Variants in GCLM observed in about 807,000 individuals in gnomAD.
GCLM encodes the protein glutamate--cysteine ligase regulatory subunit.
Under a neutral mutation model 36.0 loss-of-function variants are expected in GCLM, and 15 were observed. The observed-to-expected ratio is 0.42, with a 90% CI of 0.28 to 0.64. The LOEUF (loss-of-function observed/expected upper bound fraction) is 0.64. GCLM is among the 30% of genes least tolerant of loss of function. The pLI is 0.25. For missense variants in GCLM, 242 were observed against 325.5 expected (o/e 0.74, Z 1.97); for synonymous variants, 129 against 122.8 (o/e 1.05, Z -0.34).
intron 3 of GCLM, 87 bp downstream of exon 3, chr1:93,901,498 C>A: frequency 1.3e-6 from 1 of 767,594 alleles, no homozygotes; most frequent in South Asian, 1.5e-5. Flanking sequence ...CATTTAGTGT[C>A]TGAGCAAAGA....
intron 6 of GCLM, among the ~76,000 whole-genome samples, chr1:93,890,317 A>G (rs2100905241): frequency 6.6e-6 from 1 of 152,336 alleles, no homozygotes; most frequent in African/African-American, 2.4e-5. Context: ...ATTACAGTAC[A>G]TTAAAATGGT....
chr1:93,895,932 T>C (rs1347685559), intron 5 of GCLM, among the ~76,000 whole-genome samples: 1 of 151,520 alleles, frequency 6.6e-6, no homozygotes, highest in Non-Finnish European at 1.5e-5. Context: ...CATGGTCTAA[T>C]AGTACCTAAA....
At chr1:93,905,154 C>T (rs765394665) in intron 1 of GCLM, among the ~76,000 whole-genome samples, 27 of 115,942 alleles carry the variant, frequency 2.3e-4, no homozygotes, top group Non-Finnish European at 3.6e-4. Context: ...GCCTGGGCAA[C>T]AGAGCAAGAC....
intron 3 of GCLM, among the ~76,000 whole-genome samples, chr1:93,900,996 C>T (rs577342246): frequency 3.3e-5 from 5 of 152,254 alleles, no homozygotes; most frequent in African/African-American, 9.6e-5. Flanking sequence ...CTGCACACCC[C>T]GAAACTTCAA....
chr1:93,895,060 G>A (rs191254778), intron 5 of GCLM, among the ~76,000 whole-genome samples: 3 of 149,756 alleles, frequency 2.0e-5, no homozygotes, highest in East Asian at 3.9e-4. Flanking sequence ...TGTCGCCCAG[G>A]CTGGAGTACA....
chr1:93,899,794 A>G (rs944220339), intron 3 of GCLM, among the ~76,000 whole-genome samples: 4 of 152,202 alleles, frequency 2.6e-5, no homozygotes, highest in Non-Finnish European at 5.9e-5. Context: ...TTTGGTTACT[A>G]GGAAAGTTGA....
At chr1:93,894,033 G>A (rs1160440647) in intron 6 of GCLM, among the ~76,000 whole-genome samples, 2 of 152,126 alleles carry the variant, frequency 1.3e-5, no homozygotes, top group African/African-American at 4.8e-5. Flanking sequence ...CGAGGTGGGG[G>A]AATTGCTTGA....
chr1:93,902,358 T>G (rs1474494064), intron 2 of GCLM, among the ~76,000 whole-genome samples: 1 of 152,102 alleles, frequency 6.6e-6, no homozygotes, highest in Non-Finnish European at 1.5e-5. Flanking sequence ...TTTTGTATTT[T>G]TAGTAGAGAC....
chr1:93,906,424 C>G (rs1179558197), intron 1 of GCLM, among the ~76,000 whole-genome samples: 1 of 152,152 alleles, frequency 6.6e-6, no homozygotes, highest in Non-Finnish European at 1.5e-5. Context: ...TGGGATAATT[C>G]TAAGAAATTT....
At chr1:93,889,841 T>C (rs1656466423) in intron 6 of GCLM, among the ~76,000 whole-genome samples, 1 of 151,344 alleles carries the variant, frequency 6.6e-6, no homozygotes, top group African/African-American at 2.4e-5. Flanking sequence ...GGTCAAAACA[T>C]TTATGTTTTT....
chr1:93,895,401 G>C (rs892930888), intron 5 of GCLM, among the ~76,000 whole-genome samples: 1 of 152,170 alleles, frequency 6.6e-6, no homozygotes, highest in Non-Finnish European at 1.5e-5. Flanking sequence ...ATTTTTGTTA[G>C]TTTGTTAAGT....
chr1:93,909,122 C>T lies in GCLM; in HGVS notation c.42G>A (p.Arg14=), dbSNP rs1205135484. 1 of 1,427,332 alleles carries T rather than the reference C, an allele frequency of 7.0e-7. No individual in the cohort carries two copies. The highest frequency in any genetic ancestry group is 1.4e-5 in the South Asian group (1 of 72,024). The allele number at this position is 1,427,332 out of a possible 1,614,324, so 88.4% of individuals were successfully genotyped here. A position where few individuals can be genotyped will look rare whatever the true frequency, so the allele number is the denominator to read the frequency against. Residue 14 remains arginine (R), a synonymous_variant, in exon 1 of 7, where the codon CGG becomes CGA. Transcript: ENST00000370238. ...CCGTCTGCAGGTGCAGGGTGCGGGC[C>T]CGCGCCAGGAGCGCCTTGGCCGCGC... is the stretch of plus-strand genomic sequence containing the variant. ...DSRAAKALLA[R]ARTLHLQTGN... is the part of the protein sequence containing the mutation.
rs1211235816 is a variant in GCLM, at chr1:93,888,403, T to C, written c.*587A>G. ...GCACAAGAATACAAGGTTAAATTAT[T>C]ACAGCTAAACTATAAGCAAGGACAC... On this transcript the variant is annotated 3_prime_UTR_variant, in exon 7 of 7. Transcript: ENST00000370238. 6.6e-6 allele frequency: 1 copy of C among 152,214 alleles called. No homozygotes were observed. 9.4% of individuals were successfully genotyped at this position (152,214 alleles called of 1,614,324 possible).
intron 1 of GCLM, among the ~76,000 whole-genome samples, chr1:93,907,767 TAC>T (rs941279611): frequency 2.6e-5 from 4 of 152,192 alleles, no homozygotes; most frequent in African/African-American, 9.7e-5. Flanking sequence ...CAGAATATGG[TAC>T]AGACTCAGAT....
chr1:93,890,689 CAAT>C (rs1656501469), intron 6 of GCLM, among the ~76,000 whole-genome samples: 1 of 151,990 alleles, frequency 6.6e-6, no homozygotes, highest in African/African-American at 2.4e-5. Flanking sequence ...CAAACCGTCA[CAAT>C]GATGCAGATG....
intron 5 of GCLM, 61 bp downstream of exon 5, chr1:93,896,557 G>T: frequency 7.7e-7 from 1 of 1,296,162 alleles, no homozygotes; most frequent in Non-Finnish European, 1.1e-6. Flanking sequence ...TCAACAGTGT[G>T]CAGCAAAGAC....
rs980583515 is a variant in GCLM at position 93,905,922 on chromosome 1, GAC to G, written c.127-1336_127-1335del. Among the ~76,000 whole-genome samples the G allele has an allele frequency of 4.6e-5, 7 of 152,130 alleles. No homozygotes were observed. In the East Asian group the frequency reaches 7.7e-4, roughly 17 times the overall value. ...ATCACTGCCTTATTAGATAACCAAG[GAC>G]ACAGTGTTTTGCATTCTTCTGTGGG... On this transcript the variant is annotated intron_variant, in intron 1 of 6. Coordinates refer to ENST00000370238, the MANE Select transcript of GCLM (RefSeq NM_002061.4).
intron 3 of GCLM, among the ~76,000 whole-genome samples, chr1:93,899,006 T>C (rs1271649722): frequency 6.6e-6 from 1 of 152,128 alleles, no homozygotes; most frequent in Non-Finnish European, 1.5e-5. Context: ...CCCAAATTAC[T>C]GTTTAGATTT....
At chr1:93,906,222 T>C (rs1301734838) in intron 1 of GCLM, among the ~76,000 whole-genome samples, 1 of 152,224 alleles carries the variant, frequency 6.6e-6, no homozygotes, top group Non-Finnish European at 1.5e-5. Flanking sequence ...TCACTTGAAT[T>C]CAAATTATAA....
Sources: allele counts gnomAD v4.1 joint callset (sites outside exome capture counted in the v4.1 genomes callset), GRCh38; gene constraint gnomAD v4.1.1; transcripts MANE v1.5; gene names NCBI Gene and HGNC (gene_info 2026-07-23, HGNC 2026-07-21).